The following ANKZF1 variants were observed in gnomAD, a reference collection of about 807,000 sequenced individuals.
ANKZF1 encodes the protein ankyrin repeat and zinc finger peptidyl tRNA hydrolase 1, also known as tRNA endonuclease ANKZF1.
Under a neutral mutation model 86.0 loss-of-function variants are expected in ANKZF1, and 84 were observed. The ratio of observed to expected loss-of-function variants is 0.98; its 90% confidence interval spans 0.82 to 1.17. The LOEUF is 1.17. Ranked by LOEUF, ANKZF1 falls within the 50% of genes most tolerant of loss-of-function variation. The pLI, the probability that ANKZF1 is intolerant of heterozygous loss-of-function variation, is 0.00. For missense variants in ANKZF1, 893 were observed against 918.4 expected (o/e 0.97, Z 0.36); for synonymous variants, 331 against 354.2 (o/e 0.93, Z 0.74).
In ANKZF1 at chr2:219,231,934, G is replaced by C; in HGVS notation, c.155G>C (p.Gly52Ala). ...TTCCTCTTCCCTTATTTAGGCTCAG[G>C]GGAGAGAGAAAGCCCAGAAAGAAAG... Reference protein sequence around the residue: ...RAPRTSCSGSGERESPERKLL... With the variant: ...RAPRTSCSGSAERESPERKLL... Residue 52 changes from glycine (G) to alanine (A), a missense_variant, in exon 3 of 14, where the codon GGG (glycine) becomes GCG (alanine). Gly to Ala is a moderately conservative substitution (Grantham distance 60). Coordinates refer to ENST00000323348, the MANE Select transcript of ANKZF1 (RefSeq NM_018089.3). 2 of 1,613,702 alleles carry C rather than the reference G, an allele frequency of 1.2e-6. No homozygotes were observed. The highest frequency in any genetic ancestry group is 2.7e-5 in the African/African-American group (2 of 74,994).
chr2:219,232,388 T>C (rs753627625), intron 4 of ANKZF1, 26 bp downstream of exon 4: 2 of 1,612,678 alleles, frequency 1.2e-6, no homozygotes, highest in Non-Finnish European at 1.7e-6. Flanking sequence ...GGGACCTATG[T>C]AGGAGTAGGA....
rs763571988 is a variant in ANKZF1 at position 219,235,531 on chromosome 2, G to A, written c.1749G>A (p.Glu583=). ...CGGCTGACAAATCAACACGTAATGAGTTCCGAAGGTTCATGGAGAAGAATC... is the reference window on the plus strand; with the variant it reads ...CGGCTGACAAATCAACACGTAATGAATTCCGAAGGTTCATGGAGAAGAATC... ...TVAADKSTRN[E]FRRFMEKNPD... Residue 583 remains glutamate, a synonymous_variant, in exon 11 of 14, where the codon GAG becomes GAA. Transcript: ENST00000323348. 17 of 1,614,016 alleles carry A rather than the reference G, an allele frequency of 1.1e-5. No individual in the cohort carries two copies. In the South Asian group the frequency reaches 1.9e-4, roughly 18 times the overall value.
chr2:219,235,128 C>T lies in ANKZF1; in HGVS notation c.1507C>T (p.Arg503Ter), dbSNP rs372230672. ...ELWNALLAAC[R>*]AGDVGVLKLQ... ...CTGGAATGCACTGCTTGCTGCTTGCCGAGCTGGAGATGTTGGAGTGCTAAA... is the reference window on the plus strand; with the variant it reads ...CTGGAATGCACTGCTTGCTGCTTGCTGAGCTGGAGATGTTGGAGTGCTAAA... The change falls in exon 10 of 14, where the codon CGA becomes TGA. Residue 503 changes from arginine to a stop codon, truncating the protein, a stop_gained. Transcript: ENST00000323348. LOFTEE classifies it high-confidence loss of function. The T allele has an allele frequency of 2.4e-5, 38 of 1,614,196 alleles. No individual in the cohort carries two copies. Among genetic ancestry groups the T allele is most frequent in the African/African-American group, 4.0e-5 (3 of 75,052 alleles).
Position 219,233,837 on chromosome 2 carries a change from G to A in ANKZF1, c.942G>A (p.Leu314=). ...SLFFGGKGAP[L]QRGDPRLWDI... ...TCTTTGGAGGCAAGGGAGCACCCCT[G>A]CAAAGGGGGGATCCCCGACTTTGGG... Residue 314 remains leucine (L), a synonymous_variant, in exon 8 of 14, where the codon CTG becomes CTA. Coordinates refer to ENST00000323348, the MANE Select transcript of ANKZF1 (RefSeq NM_018089.3). 1 of 1,613,748 alleles carries A rather than the reference G, an allele frequency of 6.2e-7. No individual in the cohort carries two copies. Among genetic ancestry groups the A allele is most frequent in the Middle Eastern group, 1.7e-4 (1 of 6,054 alleles).
intron 13 of ANKZF1, 36 bp from the exon 14 acceptor site, chr2:219,236,286 G>A (rs1951230283): frequency 1.2e-6 from 2 of 1,613,290 alleles, no homozygotes; most frequent in Non-Finnish European, 1.7e-6. Flanking sequence ...AAGTTTCTGG[G>A]GTACCTGTCC....
At chr2:219,236,241 T>C in intron 13 of ANKZF1, 81 bp from the exon 14 acceptor site, 1 of 1,607,924 alleles carries the variant, frequency 6.2e-7, no homozygotes, top group Non-Finnish European at 8.5e-7. Flanking sequence ...AAAACAGAAA[T>C]GGCAGGAGGA....
At position 219,233,351 on chromosome 2, in the gene ANKZF1, A is replaced by G; in HGVS notation, c.737A>G (p.Gln246Arg). The G allele has an allele frequency of 3.7e-6, 6 of 1,614,248 alleles. No individual in the cohort carries two copies. The highest frequency in any genetic ancestry group is 5.1e-6 in the Non-Finnish European group (6 of 1,180,044). ...YTVRAKRGTA[Q>R]GLRDARGGPS... Reference sequence around the variant, plus strand: ...GTTCGGGCCAAGCGGGGCACAGCCCAGGGGCTTCGGGATGCCCGAGGTGGG... The same window carrying G: ...GTTCGGGCCAAGCGGGGCACAGCCCGGGGGCTTCGGGATGCCCGAGGTGGG... The change falls in exon 7 of 14, where the codon CAG becomes CGG. Residue 246 changes from glutamine (Q) to arginine (R), a missense_variant. Physicochemically the swap from Gln to Arg is conservative, Grantham distance 43. Coordinates refer to ENST00000323348, the MANE Select transcript of ANKZF1 (RefSeq NM_018089.3).
chr2:219,230,283 C>G lies in ANKZF1; in HGVS notation c.26C>G (p.Pro9Arg), dbSNP rs1259952831. Residue 9 changes from proline to arginine, a missense_variant, in exon 2 of 14, where the codon CCG becomes CGG. Physicochemically the swap from Pro to Arg is moderately radical, Grantham distance 103. Transcript: ENST00000323348. The part of the protein sequence containing the change: MSPAPDAA[P>R]APASISLFDL... ...ATGTCGCCGGCTCCAGATGCAGCCC[C>G]GGCTCCTGCGTCGATCTCCCTGTTT... 10 of 1,613,834 alleles carry G rather than the reference C, an allele frequency of 6.2e-6. No homozygotes were observed. The highest frequency in any genetic ancestry group is 8.5e-6 in the Non-Finnish European group (10 of 1,179,820).
Position 219,229,890 on chromosome 2 carries a change from C to T in ANKZF1, c.-41C>T, listed in dbSNP as rs774753653. On this transcript the variant is annotated 5_prime_UTR_variant, in exon 1 of 14. Transcript: ENST00000323348. This position sits in a 1 kb window ranked among gnomAD's most constrained non-coding sequence, Gnocchi z 4.2. ...GAGGACTTGCGAGCCGCTCAGCTCC[C>T]GGGACGTTTGGTGCGTCTTCTAAGG... 10 of 196,888 alleles carry T rather than the reference C, an allele frequency of 5.1e-5. No individual in the cohort carries two copies. The highest frequency in any genetic ancestry group is 7.1e-5 in the African/African-American group (3 of 42,476). The allele number at this position is 196,888 out of a possible 1,614,324, so 12.2% of individuals were successfully genotyped here.
rs756106712 is a variant in ANKZF1, at chr2:219,234,894, C to G, written c.1273C>G (p.Leu425Val). ...LELVELTVGT[L>V]DLCESEVLPK... ...GCTAGTGGAGTTGACTGTGGGGACT[C>G]TGGATCTTTGTGAGTCTGAAGTATT... Residue 425 changes from leucine (L) to valine (V), a missense_variant, in exon 10 of 14, where the codon CTG (leucine) becomes GTG (valine). Coordinates refer to ENST00000323348, the MANE Select transcript of ANKZF1 (RefSeq NM_018089.3). The G allele has an allele frequency of 4.3e-6, 7 of 1,614,030 alleles. No homozygotes were observed. In the East Asian group the frequency reaches 1.6e-4, roughly 36 times the overall value.
intron 5 of ANKZF1, 110 bp downstream of exon 5, chr2:219,232,793 T>C: frequency 2.5e-6 from 3 of 1,220,410 alleles, no homozygotes; most frequent in Non-Finnish European, 3.4e-6. Context: ...CTGTTGGTTG[T>C]GGGTATCACG....
chr2:219,231,244 A>G (rs1237611619), intron 2 of ANKZF1: 2 of 190,720 alleles, frequency 1.0e-5, no homozygotes, highest in African/African-American at 4.7e-5. Flanking sequence ...CAAGACTCAA[A>G]CTCAGCCAGT....
chr2:219,233,458 TG>T, intron 7 of ANKZF1, 25 bp downstream of exon 7: 1 of 1,580,778 alleles, frequency 6.3e-7, no homozygotes, highest in East Asian at 2.3e-5. Flanking sequence ...TTAGATCTGG[TG>T]GTACTGATCC....
chr2:219,234,088 CT>C (rs1477366428), intron 8 of ANKZF1, 44 bp from the exon 9 acceptor site: 13 of 1,588,870 alleles, frequency 8.2e-6, no homozygotes, highest in African/African-American at 1.4e-5. Context: ...CCTGCGCTAG[CT>C]TCTCCTCAGC....
intron 4 of ANKZF1, 23 bp from the exon 5 acceptor site, chr2:219,232,467 T>TACAC: frequency 1.2e-6 from 2 of 1,612,644 alleles, no homozygotes; most frequent in Non-Finnish European, 1.7e-6. Context: ...CAAACTTGTG[T>TACAC]ATCTCATATT....
intron 2 of ANKZF1, chr2:219,231,714 C>T: frequency 4.1e-6 from 2 of 493,778 alleles, no homozygotes; most frequent in East Asian, 3.7e-5. Flanking sequence ...TATTTACATT[C>T]ATTTTACGTA....
Position 219,233,854 on chromosome 2 carries a change from G to C in ANKZF1, c.959G>C (p.Arg320Pro). 7 of 1,613,248 alleles carry C rather than the reference G, an allele frequency of 4.3e-6. No individual in the cohort carries two copies. Among genetic ancestry groups the C allele is most frequent in the Non-Finnish European group, 5.9e-6 (7 of 1,179,648 alleles). The change falls in exon 8 of 14, where the codon CGA becomes CCA. Residue 320 changes from arginine to proline, a missense_variant. Physicochemically the swap from Arg to Pro is moderately radical, Grantham distance 103. Coordinates refer to ENST00000323348, the MANE Select transcript of ANKZF1 (RefSeq NM_018089.3). ...KGAPLQRGDPRLWDIPLATRR... is the reference protein window; with the variant it reads ...KGAPLQRGDPPLWDIPLATRR... ...GCACCCCTGCAAAGGGGGGATCCCC[G>C]ACTTTGGGATATCCCCCTCGCCACC... is the stretch of plus-strand genomic sequence containing the variant.
At position 219,234,967 on chromosome 2, in the gene ANKZF1, A is replaced by T; in HGVS notation, c.1346A>T (p.Asp449Val). The change falls in exon 10 of 14, where the codon GAC becomes GTC. Residue 449 changes from aspartate (D) to valine (V), a missense_variant. By Grantham distance (152) the Asp-to-Val change is radical (BLOSUM62 -3). Transcript: ENST00000323348. ...AGGAATAAGAAGGAGAAAAGCCGAG[A>T]CCAGGAGGCTGGGGCACATCGGACT... ...RKRNKKEKSR[D>V]QEAGAHRTLL... 2.5e-6 allele frequency: 4 copies of T among 1,614,244 alleles called. No individual in the cohort carries two copies. Among genetic ancestry groups the T allele is most frequent in the Non-Finnish European group, 3.4e-6 (4 of 1,180,046 alleles).
At chr2:219,235,351 G>A (rs1368065604) in intron 10 of ANKZF1, 39 bp downstream of exon 10, 21 of 1,598,408 alleles carry the variant, frequency 1.3e-5, no homozygotes, top group Non-Finnish European at 1.8e-5. Flanking sequence ...TTTGGGTATA[G>A]AGAGGATAAT....
Sources: gnomAD v4.1 joint callset for allele counts on GRCh38, gnomAD v4.1.1 for gene constraint, Gnocchi (gnomAD v3.1) non-coding constraint, MANE v1.5 for transcripts, NCBI Gene and HGNC (gene_info 2026-07-23, HGNC 2026-07-21) for gene names.